ZNF385D: variants seen among roughly 807,000 people sequenced by gnomAD.
ZNF385D encodes the protein zinc finger protein 385D.
Under a neutral mutation model 35.8 loss-of-function variants are expected in ZNF385D, and 15 were observed. That is an observed-to-expected ratio of 0.42 (90% CI 0.28 to 0.64). The LOEUF (loss-of-function observed/expected upper bound fraction) is 0.64, where lower values mean the gene tolerates loss of function less well. Ranked by LOEUF, ZNF385D falls within the 30% of genes least tolerant of loss-of-function variation. ZNF385D has a pLI of 0.23. For synonymous variants in ZNF385D, 212 were observed against 186.8 expected, an observed-to-expected ratio of 1.13 and a Z score of -1.10; for missense variants, 474 against 494.6, an observed-to-expected ratio of 0.96 and a Z score of 0.39.
chr3:21,514,585 T>A (rs1358310359), intron 3 of ZNF385D, among the ~76,000 whole-genome samples: 2 of 152,040 alleles, frequency 1.3e-5, no homozygotes, highest in Non-Finnish European at 2.9e-5. Flanking sequence ...TGGACTTAAG[T>A]CAACCACAGG....
At chr3:21,429,677 T>C (rs1001694990) in intron 5 of ZNF385D, among the ~76,000 whole-genome samples, 18 of 152,142 alleles carry the variant, frequency 1.2e-4, no homozygotes, top group Admixed American at 1.2e-3. Flanking sequence ...GGGTTTACTT[T>C]ATAGGGAAAT....
intron 2 of ZNF385D, among the ~76,000 whole-genome samples, chr3:21,565,136 T>C (rs2063098615): frequency 6.6e-6 from 1 of 152,146 alleles, no homozygotes; most frequent in Non-Finnish European, 1.5e-5. Context: ...CCTTATGCTA[T>C]GTTTGGTATC....
At chr3:21,773,152 G>C (rs1280982199) in intron 3 of ZNF385D, among the ~76,000 whole-genome samples, 1 of 152,014 alleles carries the variant, frequency 6.6e-6, no homozygotes, top group African/African-American at 2.4e-5. Context: ...ACAACATTAT[G>C]AATACGTTTA....
chr3:21,758,658 T>C (rs931971275), intron 3 of ZNF385D, among the ~76,000 whole-genome samples: 6 of 152,260 alleles, frequency 3.9e-5, no homozygotes, highest in South Asian at 2.1e-4. Context: ...CCCTGATTAA[T>C]TGATAGTCCT....
chr3:21,816,224 T>G (rs2073142400), intron 3 of ZNF385D, among the ~76,000 whole-genome samples: 1 of 152,168 alleles, frequency 6.6e-6, no homozygotes, highest in Admixed American at 6.5e-5. Flanking sequence ...GCCAATATCA[T>G]ACCGAATGAG....
Position 21,937,070 on chromosome 3 carries a change from A to G in ZNF385D, c.325+231747T>C, listed in dbSNP as rs113217783. Among the ~76,000 whole-genome samples the G allele has an allele frequency of 3.1e-4, 47 of 152,334 alleles. 1 individual carries two copies. Among genetic ancestry groups the G allele is most frequent in the African/African-American group, 1.1e-3 (45 of 41,584 alleles). On this transcript the variant is annotated intron_variant, in intron 3 of 5. Transcript: ENST00000494108. The stretch of plus-strand genomic sequence containing the variant: ...TGTCAGAGAGATTTGCATTACTAGT[A>G]ATAGAAGTTAGCCTCACAGCTGGAG...
intron 3 of ZNF385D, among the ~76,000 whole-genome samples, chr3:21,534,285 G>T (rs2061988123): frequency 6.6e-6 from 1 of 151,992 alleles, no homozygotes; most frequent in African/African-American, 2.4e-5. Flanking sequence ...TGTAGACTAG[G>T]TGCAAAACTG....
intron 2 of ZNF385D, among the ~76,000 whole-genome samples, chr3:22,300,361 T>C (rs1575071233): frequency 6.7e-6 from 1 of 149,692 alleles, no homozygotes; most frequent in East Asian, 2.0e-4. Flanking sequence ...GGGTACAATT[T>C]CCTGACATTG....
intron 3 of ZNF385D, among the ~76,000 whole-genome samples, chr3:21,781,819 A>G (rs938727875): frequency 7.4e-6 from 1 of 134,334 alleles, no homozygotes; most frequent in African/African-American, 2.7e-5. Flanking sequence ...TTTCTGGCCC[A>G]TAGGTCAAGG....
At chr3:21,793,515 T>G (rs1291380107) in intron 3 of ZNF385D, among the ~76,000 whole-genome samples, 1 of 151,368 alleles carries the variant, frequency 6.6e-6, no homozygotes, top group Non-Finnish European at 1.5e-5. Flanking sequence ...CCTCTGTGAT[T>G]TGTGTGCATG....
intron 3 of ZNF385D, chr3:21,957,215 C>G (rs1702339451): frequency 6.5e-6 from 1 of 152,908 alleles, no homozygotes; most frequent in African/African-American, 2.4e-5. Context: ...AAACTTCTTT[C>G]TTTTGTAAAT....
At chr3:22,258,079 ATAGAG>A (rs1395466872) in intron 2 of ZNF385D, among the ~76,000 whole-genome samples, 1 of 151,832 alleles carries the variant, frequency 6.6e-6, no homozygotes, top group African/African-American at 2.4e-5. Context: ...ATGAGATATA[ATAGAG>A]TAAACTGATG....
At chr3:21,860,350 C>T (rs1696979804) in intron 3 of ZNF385D, among the ~76,000 whole-genome samples, 1 of 152,104 alleles carries the variant, frequency 6.6e-6, no homozygotes, top group South Asian at 2.1e-4. Context: ...CAAAGACAAG[C>T]AGTCAAAAAG....
chr3:21,824,891 C>T (rs538138968), intron 3 of ZNF385D, among the ~76,000 whole-genome samples: 1 of 152,266 alleles, frequency 6.6e-6, no homozygotes, highest in Admixed American at 6.5e-5. Context: ...TCCTTTTGCA[C>T]TCTAATGCTG....
chr3:21,733,829 TATTTA>T (rs1458297818), intron 1 of ZNF385D, among the ~76,000 whole-genome samples: 2 of 152,186 alleles, frequency 1.3e-5, no homozygotes, highest in African/African-American at 2.4e-5. Flanking sequence ...GTCCCCTATT[TATTTA>T]AGAGTTTCTG....
intron 3 of ZNF385D, among the ~76,000 whole-genome samples, chr3:21,785,394 G>A (rs887133400): frequency 5.3e-5 from 8 of 151,996 alleles, no homozygotes; most frequent in Non-Finnish European, 1.0e-4. Flanking sequence ...GTATATATAT[G>A]TGTGTGTGAG....
At chr3:22,268,278 A>T (rs903611948) in intron 2 of ZNF385D, among the ~76,000 whole-genome samples, 1 of 152,014 alleles carries the variant, frequency 6.6e-6, no homozygotes, top group Non-Finnish European at 1.5e-5. Flanking sequence ...TGAAATATTT[A>T]TCCACTAATA....
intron 1 of ZNF385D, among the ~76,000 whole-genome samples, chr3:21,714,103 C>T (rs1229022586): frequency 6.6e-6 from 1 of 152,144 alleles, no homozygotes; most frequent in Non-Finnish European, 1.5e-5. Flanking sequence ...AAATCTGTGC[C>T]TACTCCTGCC....
chr3:22,061,619 G>C (rs927146695), intron 3 of ZNF385D, among the ~76,000 whole-genome samples: 5 of 152,114 alleles, frequency 3.3e-5, no homozygotes, highest in Admixed American at 6.6e-5. Flanking sequence ...CCCATTTCTT[G>C]TCACTCTCTT....
Sources: gnomAD v4.1 joint callset for allele counts (sites outside exome capture counted in the v4.1 genomes callset) on GRCh38, gnomAD v4.1.1 for gene constraint, MANE v1.5 for transcripts, NCBI Gene and HGNC (gene_info 2026-07-23, HGNC 2026-07-21) for gene names.